The following SYT7 variants were observed in gnomAD, a reference collection of about 807,000 sequenced individuals.
SYT7 encodes synaptotagmin 7.
In SYT7, 29 loss-of-function variants were observed where a neutral mutation model predicts 75.1. The ratio of observed to expected loss-of-function variants is 0.39; its 90% CI spans 0.29 to 0.53. SYT7 has a LOEUF of 0.53. Ranked by LOEUF, SYT7 falls within the 20% of genes least tolerant of loss-of-function variation. The pLI, the probability that SYT7 is intolerant of heterozygous loss-of-function variation, is 0.77. For missense variants in SYT7, 693 were observed against 953.2 expected, an observed-to-expected ratio of 0.73 and a Z score of 3.59; for synonymous variants, 376 against 401.7, an observed-to-expected ratio of 0.94 and a Z score of 0.76.
chr11:61,527,775 G>C (rs774430440), intron 9 of SYT7, 140 bp downstream of exon 9: 73 of 985,562 alleles, frequency 7.4e-5, no homozygotes, highest in Non-Finnish European at 1.1e-4. Flanking sequence ...GTATCTGCTT[G>C]CATGTGTGTT....
At chr11:61,568,348 T>C (rs1214799577) in intron 1 of SYT7, among the ~76,000 whole-genome samples, 1 of 152,226 alleles carries the variant, frequency 6.6e-6, no homozygotes, top group Non-Finnish European at 1.5e-5. Context: ...AAACCACAGC[T>C]TCTCTGGAGT....
chr11:61,560,632 C>T (rs938927897), intron 1 of SYT7, among the ~76,000 whole-genome samples: 1 of 152,190 alleles, frequency 6.6e-6, no homozygotes, highest in African/African-American at 2.4e-5. Flanking sequence ...ATGTCCTCGG[C>T]CAGCATGCCG....
intron 1 of SYT7, among the ~76,000 whole-genome samples, chr11:61,564,786 T>G (rs1267570913): frequency 6.6e-6 from 1 of 152,160 alleles, no homozygotes; most frequent in Admixed American, 6.5e-5. Context: ...CTTCAGAGAC[T>G]CCTCTGACAC....
intron 1 of SYT7, among the ~76,000 whole-genome samples, chr11:61,573,840 G>A (rs779011120): frequency 6.6e-6 from 1 of 152,206 alleles, no homozygotes; most frequent in African/African-American, 2.4e-5. Context: ...TCTTCCTTCA[G>A]GACTCAAGGC....
chr11:61,533,551 C>T (rs941090066), intron 7 of SYT7: 28 of 985,306 alleles, frequency 2.8e-5, no homozygotes, highest in East Asian at 1.1e-4. Flanking sequence ...TGCCTCTCCG[C>T]GTCATTACCC....
At chr11:61,529,072 C>T (rs756642677) in intron 8 of SYT7, among the ~76,000 whole-genome samples, 3 of 152,032 alleles carry the variant, frequency 2.0e-5, no homozygotes, top group Non-Finnish European at 4.4e-5. Context: ...GTTTTAGAAC[C>T]CTACCCACCC....
chr11:61,523,766 T>C lies in SYT7; in HGVS notation c.1756+61A>G. 1 of 1,525,776 alleles carries C rather than the reference T, an allele frequency of 6.6e-7. No homozygotes were observed. Among genetic ancestry groups the C allele is most frequent in the Non-Finnish European group, 9.1e-7 (1 of 1,103,760 alleles). The allele number at this position is 1,525,776 out of a possible 1,614,324, so 94.5% of individuals were successfully genotyped here. ...CAGACCCTGCTCTCCACATCCGGTG[T>C]AAACCTTGTGTCACCAGCACCTCCC... is the stretch of plus-strand genomic sequence containing the variant. On this transcript the variant is annotated intron_variant, in intron 11 of 12. Transcript: ENST00000539008. The surrounding 1 kb of genome is among the most constrained non-coding windows in gnomAD (Gnocchi z 5.0).
intron 3 of SYT7, among the ~76,000 whole-genome samples, chr11:61,548,687 T>C (rs1192218021): frequency 1.3e-5 from 2 of 152,136 alleles, no homozygotes; most frequent in East Asian, 3.9e-4. Context: ...CCCCCCAGGA[T>C]CAAGCAAACA....
chr11:61,531,701 C>T (rs2062714172), intron 8 of SYT7, among the ~76,000 whole-genome samples: 1 of 151,874 alleles, frequency 6.6e-6, no homozygotes, highest in African/African-American at 2.4e-5. Flanking sequence ...TGAGACTGGC[C>T]TGGCCAACAT....
chr11:61,520,714 T>C (rs1378360078), intron 12 of SYT7, among the ~76,000 whole-genome samples: 1 of 152,042 alleles, frequency 6.6e-6, no homozygotes, highest in African/African-American at 2.4e-5. Context: ...TCCCAGCTAC[T>C]TGGGAGGCTG....
chr11:61,521,450 G>A (rs1228315767), intron 12 of SYT7, among the ~76,000 whole-genome samples: 3 of 152,162 alleles, frequency 2.0e-5, no homozygotes, highest in Non-Finnish European at 2.9e-5. Context: ...GGCAAGACCC[G>A]AGCCCTGGCC....
chr11:61,534,784 C>T (rs759477499), intron 7 of SYT7, among the ~76,000 whole-genome samples: 32 of 152,122 alleles, frequency 2.1e-4, no homozygotes, highest in Non-Finnish European at 4.1e-4. Context: ...CAGCGACACG[C>T]GGGCGCCCCT....
chr11:61,572,116 T>TG (rs79273038), intron 1 of SYT7, among the ~76,000 whole-genome samples: 4,228 of 146,158 alleles, frequency 0.029, 123 homozygotes, highest in African/African-American at 0.074. Context: ...GGAATGAGGT[T>TG]GGGGGGGGGG....
chr11:61,534,577 C>T (rs1029223869), intron 7 of SYT7, among the ~76,000 whole-genome samples: 1 of 152,180 alleles, frequency 6.6e-6, no homozygotes, highest in Non-Finnish European at 1.5e-5. Flanking sequence ...ACACATACAG[C>T]GATGGCACGC....
At position 61,513,994 on chromosome 11, in the gene SYT7, C is replaced by T. The variant is rs993909341; in HGVS notation, c.*4633G>A. 2.0e-5 allele frequency among the ~76,000 whole-genome samples: 3 copies of T among 151,760 alleles called. No individual in the cohort carries two copies. The highest frequency in any genetic ancestry group is 4.8e-5 in the African/African-American group (2 of 41,258). ...CCCAGGACAGCCTTCCAGAAAGCAG[C>T]AGTATCCAGGGGGGGACTCACAGGA... On this transcript the variant is annotated 3_prime_UTR_variant, in exon 13 of 13. Coordinates refer to ENST00000539008, the MANE Select transcript of SYT7 (RefSeq NM_001365809.2).
chr11:61,531,431 G>T (rs2062704607), intron 8 of SYT7, among the ~76,000 whole-genome samples: 1 of 152,136 alleles, frequency 6.6e-6, no homozygotes, highest in Non-Finnish European at 1.5e-5. Flanking sequence ...CCATCCAGAA[G>T]AGAAGACAGC....
rs1238606285 is a variant in SYT7 at position 61,542,662 on chromosome 11, C to A, written c.573-83G>T. On this transcript the variant is annotated intron_variant, in intron 5 of 12. Transcript: ENST00000539008. The surrounding 1 kb of genome is among the most constrained non-coding windows in gnomAD (Gnocchi z 7.8). ...AAGAGAAAGAAGCCGAGGGCCAGGA[C>A]TAGGAGGCCCCAGTGCAGGGTGCGC... The A allele has an allele frequency of 3.5e-6, 5 of 1,421,628 alleles. No homozygotes were observed. Among genetic ancestry groups the A allele is most frequent in the Non-Finnish European group, 4.6e-6 (5 of 1,092,806 alleles). 88.1% of individuals were successfully genotyped at this position (1,421,628 alleles called of 1,614,324 possible).
chr11:61,518,851 C>T (rs1174690697), intron 12 of SYT7, 120 bp from the exon 13 acceptor site: 2 of 598,182 alleles, frequency 3.3e-6, no homozygotes, highest in East Asian at 6.7e-5. Flanking sequence ...CCAGCCTCCA[C>T]ATGCTGTGAC....
chr11:61,585,405 G>C (rs756828460), upstream of SYT7, among the ~76,000 whole-genome samples: 1 of 152,154 alleles, frequency 6.6e-6, no homozygotes, highest in Non-Finnish European at 1.5e-5. Flanking sequence ...ATTCAGGAGG[G>C]ACAGGCTTAG....
Sources: allele counts gnomAD v4.1 joint callset (sites outside exome capture counted in the v4.1 genomes callset), GRCh38; gene constraint gnomAD v4.1.1; non-coding constraint Gnocchi (gnomAD v3.1); transcripts MANE v1.5; gene names NCBI Gene and HGNC (gene_info 2026-07-23, HGNC 2026-07-21).